Variants in SULT1B1 observed in about 807,000 individuals in gnomAD.
SULT1B1 encodes sulfotransferase family 1B member 1.
SULT1B1 carries 28 observed loss-of-function variants against 34.6 expected under a neutral mutation model. The observed-to-expected ratio is 0.81, with a 90% CI of 0.60 to 1.11. SULT1B1 has a LOEUF of 1.11. SULT1B1 is among the 50% of genes least tolerant of loss of function. The pLI is 0.00. For missense variants in SULT1B1, 374 were observed against 352.2 expected, an observed-to-expected ratio of 1.06 and a Z score of -0.50; for synonymous variants, 147 against 110.2, an observed-to-expected ratio of 1.33 and a Z score of -2.09.
At chr4:69,742,083 G>C (rs1578057075) in intron 4 of SULT1B1, among the ~76,000 whole-genome samples, 1 of 152,188 alleles carries the variant, frequency 6.6e-6, no homozygotes, top group East Asian at 1.9e-4. Flanking sequence ...TAATATGAAG[G>C]GATGTGAAGT....
intron 4 of SULT1B1, among the ~76,000 whole-genome samples, chr4:69,740,643 G>C (rs1011239287): frequency 6.6e-6 from 1 of 152,194 alleles, no homozygotes; most frequent in Non-Finnish European, 1.5e-5. Context: ...AAATACATGT[G>C]TCTTCTTGGT....
At chr4:69,752,183 T>C (rs1368759402) in intron 3 of SULT1B1, among the ~76,000 whole-genome samples, 4 of 152,242 alleles carry the variant, frequency 2.6e-5, no homozygotes. Context: ...GTAAAAAATG[T>C]TGAGTATTTA....
Position 69,722,729 on chromosome 4 carries a change from A to G in SULT1B1, c.*4359T>C, listed in dbSNP as rs1318995711. The stretch of plus-strand genomic sequence containing the variant: ...AAAAGAGAAATGTTACAGCTTAAGG[A>G]GCTATTTTAGCTATTCCTGGCTATT... On this transcript the variant is annotated 3_prime_UTR_variant, in exon 8 of 8. Transcript: ENST00000310613. The G allele has an allele frequency of 3.9e-5, 6 of 152,066 alleles. No homozygotes were observed. The highest frequency in any genetic ancestry group is 3.3e-4 in the Admixed American group (5 of 15,226). 9.4% of individuals were successfully genotyped at this position (152,066 alleles called of 1,614,324 possible).
At chr4:69,734,915 T>C (rs1332504406) in intron 4 of SULT1B1, among the ~76,000 whole-genome samples, 2 of 150,418 alleles carry the variant, frequency 1.3e-5, no homozygotes, top group Non-Finnish European at 1.5e-5. Flanking sequence ...GCCTCCCAGG[T>C]TCAGGCCATC....
At chr4:69,727,246 A>G in intron 7 of SULT1B1, 46 bp from the exon 8 acceptor site, 3 of 1,508,362 alleles carry the variant, frequency 2.0e-6, no homozygotes, top group Non-Finnish European at 2.7e-6. Flanking sequence ...ATATTTCCAT[A>G]AGAAGAAATC....
intron 3 of SULT1B1, among the ~76,000 whole-genome samples, chr4:69,753,870 A>C (rs1719083685): frequency 6.6e-6 from 1 of 152,198 alleles, no homozygotes; most frequent in African/African-American, 2.4e-5. Context: ...CTGTGTTCAA[A>C]TAAGTCAGAC....
At chr4:69,749,648 T>TAAAAA in intron 4 of SULT1B1, 73 bp downstream of exon 4, 1 of 1,111,726 alleles carries the variant, frequency 9.0e-7, no homozygotes, top group East Asian at 2.4e-5. Flanking sequence ...AAAAATATTT[T>TAAAAA]AAAAAATAAA....
At chr4:69,751,596 C>T (rs1294289529) in intron 3 of SULT1B1, among the ~76,000 whole-genome samples, 1 of 152,246 alleles carries the variant, frequency 6.6e-6, no homozygotes. Context: ...AGACTACCGG[C>T]GCCCGCCACC....
rs577498037 is a variant in SULT1B1, at chr4:69,723,557, G to A, written c.*3531C>T. The A allele has an allele frequency of 3.3e-5, 5 of 152,226 alleles. No homozygotes were observed. Among genetic ancestry groups the A allele is most frequent in the East Asian group, 3.9e-4 (2 of 5,172 alleles). The allele number at this position is 152,226 out of a possible 1,614,324, so 9.4% of individuals were successfully genotyped here. A position where few individuals can be genotyped will look rare whatever the true frequency, so the allele number is the denominator to read the frequency against. ...AGCATCATCCTGATACCAAAGCCTG[G>A]CAGAGACACAACAAAAAAAGAGAAT... On this transcript the variant is annotated 3_prime_UTR_variant, in exon 8 of 8. Coordinates refer to ENST00000310613, the MANE Select transcript of SULT1B1 (RefSeq NM_014465.4).
At chr4:69,744,229 C>T (rs77481392) in intron 4 of SULT1B1, among the ~76,000 whole-genome samples, 7,082 of 152,206 alleles carry the variant, frequency 0.047, 232 homozygotes, top group East Asian at 0.093. Context: ...AGCAGGCTCT[C>T]GGGGGAGTGC....
intron 4 of SULT1B1, among the ~76,000 whole-genome samples, chr4:69,743,883 T>C (rs561647078): frequency 6.6e-6 from 1 of 152,274 alleles, no homozygotes; most frequent in Non-Finnish European, 1.5e-5. Context: ...GGGCCTTCCT[T>C]GGCCTCCTAG....
At chr4:69,746,689 T>G (rs1258969661) in intron 4 of SULT1B1, among the ~76,000 whole-genome samples, 1 of 152,206 alleles carries the variant, frequency 6.6e-6, no homozygotes, top group Non-Finnish European at 1.5e-5. Flanking sequence ...GAATTTTATG[T>G]CTGTCATTTC....
chr4:69,758,019 C>T (rs1460798199), intron 1 of SULT1B1, among the ~76,000 whole-genome samples: 1 of 152,146 alleles, frequency 6.6e-6, no homozygotes, highest in Non-Finnish European at 1.5e-5. Context: ...TATTTATCTT[C>T]TATATGCTTC....
chr4:69,745,127 T>C (rs779729179), intron 4 of SULT1B1, among the ~76,000 whole-genome samples: 1 of 152,216 alleles, frequency 6.6e-6, no homozygotes, highest in Non-Finnish European at 1.5e-5. Flanking sequence ...TTGTATTTAT[T>C]GAGAATTGCT....
At chr4:69,749,866 G>T in intron 3 of SULT1B1, 48 bp from the exon 4 acceptor site, 3 of 1,420,344 alleles carry the variant, frequency 2.1e-6, no homozygotes, top group Non-Finnish European at 3.0e-6. Context: ...CTCCAGAAAG[G>T]CTACGTTTCC....
Position 69,726,664 on chromosome 4 carries a change from T to A in SULT1B1, c.*424A>T, listed in dbSNP as rs1717844983. 6.6e-6 allele frequency: 1 copy of A among 152,438 alleles called. No homozygotes were observed. The highest frequency in any genetic ancestry group is 6.6e-5 in the Admixed American group (1 of 15,216). 9.4% of individuals were successfully genotyped at this position (152,438 alleles called of 1,614,324 possible). On this transcript the variant is annotated 3_prime_UTR_variant, in exon 8 of 8. Coordinates refer to ENST00000310613, the MANE Select transcript of SULT1B1 (RefSeq NM_014465.4). ...TGGAACACAGTGTCCTGGGTCAAAT[T>A]TTCGGCAAAGGGAAATTGGGGCAGA...
chr4:69,726,856 T>C lies in SULT1B1; in HGVS notation c.*232A>G. 2.6e-6 allele frequency: 1 copy of C among 384,674 alleles called. No homozygotes were observed. The allele number at this position is 384,674 out of a possible 1,614,324, so 23.8% of individuals were successfully genotyped here. A position where few individuals can be genotyped will look rare whatever the true frequency, so the allele number is the denominator to read the frequency against. On this transcript the variant is annotated 3_prime_UTR_variant, in exon 8 of 8. Transcript: ENST00000310613. ...GCAGGAAGAGCCTGTGGTTACATTGTTCCTTTGTTACAAAAAGTTAACAAT... is the reference window on the plus strand; with the variant it reads ...GCAGGAAGAGCCTGTGGTTACATTGCTCCTTTGTTACAAAAAGTTAACAAT...
rs1227676710 is a variant in SULT1B1, at chr4:69,723,478, C to T, written c.*3610G>A. 6.6e-6 allele frequency: 1 copy of T among 152,338 alleles called. No individual in the cohort carries two copies. The highest frequency in any genetic ancestry group is 1.5e-5 in the Non-Finnish European group (1 of 68,154). 9.4% of individuals were successfully genotyped at this position (152,338 alleles called of 1,614,324 possible). ...GGAGCTGGTACCATTCCTTCTGAAA[C>T]TATTCCAATGAACAGAAAAGGAGGG... On this transcript the variant is annotated 3_prime_UTR_variant, in exon 8 of 8. Transcript: ENST00000310613.
intron 4 of SULT1B1, among the ~76,000 whole-genome samples, chr4:69,740,151 C>T (rs974911383): frequency 1.8e-4 from 27 of 152,242 alleles, no homozygotes; most frequent in African/African-American, 6.5e-4. Context: ...TCCAAAGTCA[C>T]TTCCAGATTT....
Sources: gnomAD v4.1 joint callset for allele counts (sites outside exome capture counted in the v4.1 genomes callset) on GRCh38, gnomAD v4.1.1 for gene constraint, MANE v1.5 for transcripts, NCBI Gene and HGNC (gene_info 2026-07-23, HGNC 2026-07-21) for gene names.